The following ARL6IP4 variants were observed in gnomAD, a reference collection of about 807,000 sequenced individuals.
ARL6IP4 encodes ARF like GTPase 6 interacting protein 4.
ARL6IP4 carries 24 observed loss-of-function variants against 28.1 expected under a neutral mutation model. The ratio of observed to expected loss-of-function variants is 0.86; its 90% CI spans 0.62 to 1.20. ARL6IP4 has a LOEUF of 1.20. Ranked by LOEUF, ARL6IP4 falls within the 50% of genes most tolerant of loss-of-function variation. ARL6IP4 has a pLI of 0.00. For missense variants in ARL6IP4, 343 were observed against 302.4 expected (o/e 1.13, Z -1.00); for synonymous variants, 162 against 122.3 (o/e 1.32, Z -2.14).
Position 122,980,761 on chromosome 12 carries a change from C to T in ARL6IP4, c.-12+16C>T. ...GGCGGTCGAGGTGGGAACGGAGCAG[C>T]CCCGGGGGCCCCCTTGAGGCGGCGA... On this transcript the variant is annotated intron_variant, in intron 1 of 5. Transcript: ENST00000315580. The T allele has an allele frequency of 3.8e-6, 5 of 1,310,550 alleles. No homozygotes were observed. In the African/African-American group the frequency reaches 4.6e-5, roughly 12 times the overall value. The allele number at this position is 1,310,550 out of a possible 1,614,324, so 81.2% of individuals were successfully genotyped here.
At chr12:122,980,992 G>A (rs2037620872) in intron 1 of ARL6IP4, 137 bp from the exon 2 acceptor site, 1 of 1,403,160 alleles carries the variant, frequency 7.1e-7, no homozygotes, top group Non-Finnish European at 9.2e-7. Flanking sequence ...CTGGGGGTGG[G>A]TGAGGGTCGC....
At chr12:122,981,349 A>T (rs778258786) in intron 2 of ARL6IP4, 50 bp downstream of exon 2, 3 of 1,512,796 alleles carry the variant, frequency 2.0e-6, no homozygotes, top group Non-Finnish European at 2.7e-6. Flanking sequence ...TACCCGGGGA[A>T]GTCGGGCGAG....
chr12:122,981,755 G>A lies in ARL6IP4; in HGVS notation c.345G>A (p.Lys115=), dbSNP rs1326449876. The change falls in exon 3 of 6, where the codon AAG becomes AAA. Residue 115 remains lysine (K), a synonymous_variant. Coordinates refer to ENST00000315580, the MANE Select transcript of ARL6IP4 (RefSeq NM_018694.4). The part of the protein sequence containing the change: ...GKYKDKRRKK[K]KKRKKLKKKG... ...ACAAGGACAAGAGGAGGAAGAAGAAGAAGAAGAGGAAGAAGCTGAAGAAGA... is the reference window on the plus strand; with the variant it reads ...ACAAGGACAAGAGGAGGAAGAAGAAAAAGAAGAGGAAGAAGCTGAAGAAGA... 2 of 1,558,436 alleles carry A rather than the reference G, an allele frequency of 1.3e-6. No homozygotes were observed. Among genetic ancestry groups the A allele is most frequent in the Non-Finnish European group, 1.7e-6 (2 of 1,151,134 alleles).
rs1470381445 is a variant in ARL6IP4 at position 122,981,126 on chromosome 12, C to T, written c.-11-3C>T. 3 of 1,547,538 alleles carry T rather than the reference C, an allele frequency of 1.9e-6. No individual in the cohort carries two copies. The highest frequency in any genetic ancestry group is 2.6e-6 in the Non-Finnish European group (3 of 1,145,770). ...GGCTCAAGCGCGTCTTCTTCGTCGC[C>T]AGCCCGCGGCGCCATGGCTCACGTC... On this transcript the variant is annotated splice_region_variant and splice_polypyrimidine_tract_variant and intron_variant, in intron 1 of 5. Transcript: ENST00000315580.
chr12:122,981,365 G>C, intron 2 of ARL6IP4, 66 bp downstream of exon 2: 6 of 1,494,460 alleles, frequency 4.0e-6, no homozygotes, highest in Non-Finnish European at 5.4e-6. Flanking sequence ...GCGAGCAGTG[G>C]TCGGGGACGC....
chr12:122,980,365 C>T (rs750648451), upstream of ARL6IP4: 2 of 1,318,054 alleles, frequency 1.5e-6, no homozygotes, highest in African/African-American at 1.5e-5. Flanking sequence ...ACCAGGGCGC[C>T]TCAGTCTGGA....
chr12:122,981,894 A>G lies in ARL6IP4; in HGVS notation c.469+15A>G. The stretch of plus-strand genomic sequence containing the variant: ...GGATGGCCCAGGTACTGTGCTGCCC[A>G]GCACCTGAGAGGGAGAAGGTCGCTT... On this transcript the variant is annotated intron_variant, in intron 3 of 5. Transcript: ENST00000315580. The G allele has an allele frequency of 6.2e-7, 1 of 1,613,332 alleles. No individual in the cohort carries two copies. The highest frequency in any genetic ancestry group is 8.5e-7 in the Non-Finnish European group (1 of 1,179,776).
In ARL6IP4 at chr12:122,982,450, G is replaced by A; in HGVS notation, c.588-19G>A. The A allele has an allele frequency of 6.2e-7, 1 of 1,605,410 alleles. No individual in the cohort carries two copies. Among genetic ancestry groups the A allele is most frequent in the South Asian group, 1.1e-5 (1 of 90,054 alleles). ...GGACCTGCCTATTCCTTGCTGAACG[G>A]AGACCCTCCCACCCCCAGGCTTATT... On this transcript the variant is annotated intron_variant, in intron 4 of 5. Transcript: ENST00000315580.
At chr12:122,980,234 G>C (rs181472711), upstream of ARL6IP4, 474 of 1,234,068 alleles carry the variant, frequency 3.8e-4, 5 homozygotes, top group African/African-American at 6.4e-3. Context: ...AGCTGGAGCA[G>C]AATCCTGGCT....
chr12:122,981,640 CCTCCTCTTCTTCCAGTTCTTCTAG>C lies in ARL6IP4; in HGVS notation c.244_267del (p.Ser91_Ser98del). ...CGGAGGAGAACAAGATCCAGCTCCT[CCTCCTCTTCTTCCAGTTCTTCTAG>C]CTCCTCTTCTTCCTCCTCGTCCTCC... On this transcript the variant is annotated inframe_deletion, in exon 3 of 6. Transcript: ENST00000315580. 3.2e-6 allele frequency: 5 copies of C among 1,559,840 alleles called. No homozygotes were observed. Among genetic ancestry groups the C allele is most frequent in the Non-Finnish European group, 4.3e-6 (5 of 1,152,796 alleles).
At position 122,981,222 on chromosome 12, in the gene ARL6IP4, G is replaced by T; in HGVS notation, c.83G>T (p.Ser28Ile). 1.3e-6 allele frequency: 2 copies of T among 1,550,170 alleles called. No individual in the cohort carries two copies. The highest frequency in any genetic ancestry group is 1.7e-6 in the Non-Finnish European group (2 of 1,146,746). Residue 28 changes from serine to isoleucine, a missense_variant, in exon 2 of 6, where the codon AGC becomes ATC. Ser to Ile is a moderately radical substitution (Grantham distance 142). Coordinates refer to ENST00000315580, the MANE Select transcript of ARL6IP4 (RefSeq NM_018694.4). The stretch of plus-strand genomic sequence containing the variant: ...GGGTCGGAAAAGAGAAAGAAGAAGA[G>T]CAGGAAAGACACCTCGAGGAACTGC... The part of the protein sequence containing the change: ...GRGSEKRKKK[S>I]RKDTSRNCSA...
rs2037761255 is a variant in ARL6IP4, at chr12:122,982,873, C to T, written c.*197C>T. On this transcript the variant is annotated 3_prime_UTR_variant, in exon 6 of 6. Coordinates refer to ENST00000315580, the MANE Select transcript of ARL6IP4 (RefSeq NM_018694.4). The stretch of plus-strand genomic sequence containing the variant: ...TGCTTGGCACCCCCATCTGAAAGAG[C>T]AGCACTTCTCAGCTATTAAAGGCCC... 1.6e-6 allele frequency: 1 copy of T among 614,490 alleles called. No individual in the cohort carries two copies. Among genetic ancestry groups the T allele is most frequent in the Non-Finnish European group, 2.9e-6 (1 of 348,334 alleles). The allele number at this position is 614,490 out of a possible 1,614,324, so 38.1% of individuals were successfully genotyped here. A position where few individuals can be genotyped will look rare whatever the true frequency, so the allele number is the denominator to read the frequency against.
rs140000146 is a variant in ARL6IP4, at chr12:122,981,554, C to A, written c.161-17C>A. On this transcript the variant is annotated splice_polypyrimidine_tract_variant and intron_variant, in intron 2 of 5. Transcript: ENST00000315580. ...GCAGGGGACGAAGGTTTACCTCTTCCCCTCCTGGCCTTCCAGCCTCACCTT... is the reference window on the plus strand; with the variant it reads ...GCAGGGGACGAAGGTTTACCTCTTCACCTCCTGGCCTTCCAGCCTCACCTT... 4.5e-4 allele frequency: 692 copies of A among 1,527,730 alleles called. 4 individuals are homozygous for A. The East Asian group carries it at 0.015, about 34-fold the overall frequency. 94.6% of individuals were successfully genotyped at this position (1,527,730 alleles called of 1,614,324 possible). A position where few individuals can be genotyped will look rare whatever the true frequency, so the allele number is the denominator to read the frequency against.
chr12:122,980,294 T>C, upstream of ARL6IP4: 1 of 1,273,880 alleles, frequency 7.9e-7, no homozygotes, highest in Non-Finnish European at 9.9e-7. Context: ...GCCAAGATCT[T>C]TCTGGCCCCT....
At chr12:122,980,834 C>G in intron 1 of ARL6IP4, 89 bp downstream of exon 1, 2 of 1,332,012 alleles carry the variant, frequency 1.5e-6, no homozygotes, top group Non-Finnish European at 9.5e-7. Flanking sequence ...CGGGAAAGCG[C>G]CCCAGACGCC....
At chr12:122,981,082 G>A (rs2037624356) in intron 1 of ARL6IP4, 47 bp from the exon 2 acceptor site, 2 of 1,511,410 alleles carry the variant, frequency 1.3e-6, no homozygotes, top group East Asian at 2.6e-5. Context: ...GCCCGCCCGC[G>A]GCCGGCCTTG....
rs1367350670 is a variant in ARL6IP4, at chr12:122,980,737, G to A, written c.-20G>A. ...CGGGGCGGGCTGTCCGGCCCGCAGG[G>A]CGGTCGAGGTGGGAACGGAGCAGCC... On this transcript the variant is annotated 5_prime_UTR_variant, in exon 1 of 6. Coordinates refer to ENST00000315580, the MANE Select transcript of ARL6IP4 (RefSeq NM_018694.4). 5.3e-6 allele frequency: 7 copies of A among 1,322,342 alleles called. No homozygotes were observed. Among genetic ancestry groups the A allele is most frequent in the African/African-American group, 1.5e-5 (1 of 64,624 alleles). 81.9% of individuals were successfully genotyped at this position (1,322,342 alleles called of 1,614,324 possible).
In ARL6IP4 at chr12:122,982,832, G is replaced by GT. The variant is rs1235587160; in HGVS notation, c.*158dup. 1.7e-5 allele frequency: 13 copies of GT among 781,840 alleles called. No individual in the cohort carries two copies. The East Asian group carries it at 3.5e-4, about 21-fold the overall frequency. 48.4% of individuals were successfully genotyped at this position (781,840 alleles called of 1,614,324 possible). On this transcript the variant is annotated 3_prime_UTR_variant, in exon 6 of 6. Transcript: ENST00000315580. The stretch of plus-strand genomic sequence containing the variant: ...CTCTTCTCAGGGGCAGGGGGTGGAG[G>GT]TTGGGGTCACCGGCCTGCTTGGCAC...
rs1449615288 is a variant in ARL6IP4 at position 122,981,244 on chromosome 12, C to A, written c.105C>A (p.Asn35Lys). ...AGAGCAGGAAAGACACCTCGAGGAACTGCTCGGCCTCCACATCCCAAGGTC... is the reference window on the plus strand; with the variant it reads ...AGAGCAGGAAAGACACCTCGAGGAAATGCTCGGCCTCCACATCCCAAGGTC... ...KKKSRKDTSRNCSASTSQGRK... is the reference protein window; with the variant it reads ...KKKSRKDTSRKCSASTSQGRK... The change falls in exon 2 of 6, where the codon AAC becomes AAA. Residue 35 changes from asparagine (N) to lysine (K), a missense_variant. Transcript: ENST00000315580. 6.5e-7 allele frequency: 1 copy of A among 1,549,890 alleles called. No homozygotes were observed. Among genetic ancestry groups the A allele is most frequent in the Admixed American group, 2.0e-5 (1 of 50,942 alleles).
Sources: gnomAD v4.1 joint callset for allele counts on GRCh38, gnomAD v4.1.1 for gene constraint, MANE v1.5 for transcripts, NCBI Gene and HGNC (gene_info 2026-07-23, HGNC 2026-07-21) for gene names.